The following COX6C variants were observed in gnomAD, a reference collection of about 807,000 sequenced individuals.
The protein encoded by COX6C is cytochrome c oxidase subunit 6C.
COX6C carries 3 observed loss-of-function variants against 6.9 expected under a neutral mutation model. The observed-to-expected ratio is 0.43, with a 90% CI of 0.20 to 1.12. The LOEUF (loss-of-function observed/expected upper bound fraction) is 1.12. Ranked by LOEUF, COX6C falls within the 50% of genes most tolerant of loss-of-function variation. The probability of loss-of-function intolerance (pLI) is 0.27; values close to 1 mark genes in which losing one functional copy is unlikely to be tolerated. For missense variants in COX6C, 101 were observed against 97.3 expected (o/e 1.04, Z -0.16); for synonymous variants, 32 against 32.0 (o/e 1.00, Z 0.00).
intron 1 of COX6C, chr8:99,893,080 G>C (rs1213895615): frequency 1.3e-5 from 2 of 152,252 alleles, no homozygotes; most frequent in Non-Finnish European, 2.9e-5. Context: ...GCCGGGGGTA[G>C]GATGGGAAGC....
Position 99,888,532 on chromosome 8 carries a change from A to G in COX6C, c.115-914T>C, listed in dbSNP as rs1316391496. 1.4e-4 allele frequency among the ~76,000 whole-genome samples: 21 copies of G among 152,142 alleles called. No individual in the cohort carries two copies. In the East Asian group the frequency reaches 3.9e-3, roughly 28 times the overall value. ...GAGGGTGCAGTGAGCCGAGATGGTGACGCTGCACTCTAGCCTGGGTGACAG... is the reference window on the plus strand; with the variant it reads ...GAGGGTGCAGTGAGCCGAGATGGTGGCGCTGCACTCTAGCCTGGGTGACAG... On this transcript the variant is annotated intron_variant, in intron 2 of 3. Coordinates refer to ENST00000520468, the MANE Select transcript of COX6C (RefSeq NM_004374.4).
At chr8:99,890,211 C>T (rs989301945) in intron 2 of COX6C, among the ~76,000 whole-genome samples, 2 of 152,144 alleles carry the variant, frequency 1.3e-5, no homozygotes, top group African/African-American at 4.8e-5. Flanking sequence ...AATCCGCCCA[C>T]CTCAGCTTCC....
intron 3 of COX6C, among the ~76,000 whole-genome samples, chr8:99,882,731 T>G (rs929877307): frequency 6.7e-6 from 1 of 148,180 alleles, no homozygotes; most frequent in Non-Finnish European, 1.5e-5. Flanking sequence ...GGAGTGAGAA[T>G]GCTATGAACA....
At chr8:99,888,015 C>T (rs1252634677) in intron 2 of COX6C, among the ~76,000 whole-genome samples, 10 of 145,308 alleles carry the variant, frequency 6.9e-5, no homozygotes, top group African/African-American at 1.5e-4. Flanking sequence ...GGCGTGAACC[C>T]GGGAGACGGA....
intron 3 of COX6C, among the ~76,000 whole-genome samples, chr8:99,882,674 A>G (rs556237921): frequency 8.5e-5 from 13 of 152,216 alleles, no homozygotes; most frequent in Non-Finnish European, 1.6e-4. Context: ...AAAGAGAACC[A>G]CCAACTAACA....
rs542794244 is a variant in COX6C, at chr8:99,885,103, C to A, written c.*15+2387G>T. 3.9e-4 allele frequency among the ~76,000 whole-genome samples: 59 copies of A among 152,338 alleles called. No homozygotes were observed. In the South Asian group the frequency reaches 0.011, roughly 29 times the overall value. ...TCACACTTACTGATTTTAAAGCATA[C>A]TACAAAGCTACAGTGTAGCAGTCAT... On this transcript the variant is annotated intron_variant, in intron 3 of 3. Transcript: ENST00000520468.
At chr8:99,889,357 T>A (rs150197492) in intron 2 of COX6C, among the ~76,000 whole-genome samples, 1 of 150,448 alleles carries the variant, frequency 6.6e-6, no homozygotes, top group African/African-American at 2.5e-5. Flanking sequence ...CGGCACGATC[T>A]CGGCTCACTG....
chr8:99,881,134 C>A (rs190374144), intron 3 of COX6C, among the ~76,000 whole-genome samples: 61 of 152,166 alleles, frequency 4.0e-4, no homozygotes, highest in African/African-American at 1.4e-3. Flanking sequence ...CCCAGGCAGG[C>A]AAATCACTTG....
At chr8:99,878,982 G>A (rs4510829) in intron 3 of COX6C, among the ~76,000 whole-genome samples, 37,124 of 152,046 alleles carry the variant, frequency 0.24, 5,639 homozygotes, top group African/African-American at 0.43. Context: ...CCACATATAT[G>A]TAGTGCAACT....
At chr8:99,880,618 G>C (rs1353581686) in intron 3 of COX6C, among the ~76,000 whole-genome samples, 1 of 152,050 alleles carries the variant, frequency 6.6e-6, no homozygotes, top group Admixed American at 6.5e-5. Flanking sequence ...GCTCATGCCT[G>C]TAATCTGGGA....
rs1244628462 is a variant in COX6C, at chr8:99,891,918, G to A, written c.104C>T (p.Ala35Val). 3.1e-6 allele frequency: 5 copies of A among 1,613,778 alleles called. No homozygotes were observed. The highest frequency in any genetic ancestry group is 1.3e-5 in the African/African-American group (1 of 74,912). The change falls in exon 2 of 4, where the codon GCT becomes GTT. Residue 35 changes from alanine to valine, a missense_variant. Physicochemically the swap from Ala to Val is moderately conservative, Grantham distance 64. Coordinates refer to ENST00000520468, the MANE Select transcript of COX6C (RefSeq NM_004374.4). ...AAAAAACATACATACCTTATACAAA[G>A]CTGCAACCCCCAGGGATAGCACGAA... is the stretch of plus-strand genomic sequence containing the variant. The part of the protein sequence containing the change: ...VAFVLSLGVA[A>V]LYKFRVADQR...
chr8:99,880,312 T>G (rs955438696), intron 3 of COX6C, among the ~76,000 whole-genome samples: 1 of 152,216 alleles, frequency 6.6e-6, no homozygotes, highest in Admixed American at 6.5e-5. Flanking sequence ...TGACTTACTC[T>G]ATAAAACCTT....
chr8:99,881,057 C>G (rs1291637880), intron 3 of COX6C, among the ~76,000 whole-genome samples: 2 of 152,070 alleles, frequency 1.3e-5, no homozygotes, highest in Non-Finnish European at 2.9e-5. Context: ...AACATAGAAG[C>G]TTATATTAAA....
chr8:99,883,389 ATATC>A (rs1817893401), intron 3 of COX6C, among the ~76,000 whole-genome samples: 3 of 151,270 alleles, frequency 2.0e-5, no homozygotes, highest in South Asian at 2.1e-4. Flanking sequence ...AACTATATAT[ATATC>A]TGTGTGTGTG....
intron 3 of COX6C, among the ~76,000 whole-genome samples, chr8:99,882,960 AT>A (rs201278066): frequency 6.6e-6 from 1 of 151,562 alleles, no homozygotes; most frequent in African/African-American, 2.4e-5. Context: ...TATTTTTTGT[AT>A]TTTTTTTGTA....
chr8:99,885,036 C>A (rs1348114857), intron 3 of COX6C, among the ~76,000 whole-genome samples: 1 of 152,170 alleles, frequency 6.6e-6, no homozygotes, highest in Non-Finnish European at 1.5e-5. Context: ...ATAGCTAGAG[C>A]ACCCTCCGGG....
At chr8:99,893,101 G>A (rs1177479360) in intron 1 of COX6C, 1 of 152,270 alleles carries the variant, frequency 6.6e-6, no homozygotes, top group African/African-American at 2.4e-5. Flanking sequence ...CGTGGGGCAA[G>A]GGAGGTTGCA....
At chr8:99,886,598 T>C (rs1031366659) in intron 3 of COX6C, among the ~76,000 whole-genome samples, 7 of 151,860 alleles carry the variant, frequency 4.6e-5, no homozygotes, top group African/African-American at 4.9e-5. Context: ...AATCAAAAAG[T>C]GGAAGCAACC....
At chr8:99,882,004 C>G (rs1312620109) in intron 3 of COX6C, among the ~76,000 whole-genome samples, 1 of 152,118 alleles carries the variant, frequency 6.6e-6, no homozygotes, top group Admixed American at 6.5e-5. Context: ...AAAGAACATT[C>G]TATAATTTAA....
Sources: gnomAD v4.1 joint callset for allele counts (sites outside exome capture counted in the v4.1 genomes callset) on GRCh38, gnomAD v4.1.1 for gene constraint, MANE v1.5 for transcripts, NCBI Gene and HGNC (gene_info 2026-07-23, HGNC 2026-07-21) for gene names.